QTMAN: variants seen among roughly 807,000 people sequenced by gnomAD.
QTMAN encodes queuosine-tRNA mannosyltransferase.
chr2:143,949,542 G>A, the QTMAN span, among the ~76,000 whole-genome samples: 1 of 151,764 alleles, frequency 6.6e-6, no homozygotes, highest in East Asian at 1.9e-4. Context: ...AATGTAAAAG[G>A]AACAAATTAA....
chr2:144,272,740 T>G, the QTMAN span, among the ~76,000 whole-genome samples: 1 of 152,100 alleles, frequency 6.6e-6, no homozygotes, highest in Non-Finnish European at 1.5e-5. Flanking sequence ...TGTGTGTGCA[T>G]GCATGCGTGT....
chr2:144,157,766 A>G, the QTMAN span, among the ~76,000 whole-genome samples: 164 of 152,032 alleles, frequency 1.1e-3, 1 homozygote, highest in Non-Finnish European at 1.4e-3. Context: ...ATATAAACAT[A>G]TATGTATAAC....
chr2:143,964,415 T>TAA, the QTMAN span, among the ~76,000 whole-genome samples: 1 of 152,180 alleles, frequency 6.6e-6, no homozygotes, highest in Non-Finnish European at 1.5e-5. Context: ...CTTTTGTTGT[T>TAA]TTTTTGAGAC....
the QTMAN span, among the ~76,000 whole-genome samples, chr2:144,028,511 C>T: frequency 1.3e-5 from 2 of 152,144 alleles, no homozygotes; most frequent in Non-Finnish European, 2.9e-5. Flanking sequence ...AATGAGGCTG[C>T]TTCCTACTGG....
chr2:144,104,916 G>A, the QTMAN span, among the ~76,000 whole-genome samples: 1 of 152,200 alleles, frequency 6.6e-6, no homozygotes, highest in African/African-American at 2.4e-5. Context: ...AAGCTTCCAG[G>A]GGAACGATCA....
chr2:144,170,528 G>A, the QTMAN span, among the ~76,000 whole-genome samples: 2 of 152,240 alleles, frequency 1.3e-5, no homozygotes, highest in Admixed American at 6.5e-5. Context: ...TTTTATAGTA[G>A]CTGCAAGCAA....
At chr2:144,316,558 G>A in the QTMAN span, among the ~76,000 whole-genome samples, 1 of 152,062 alleles carries the variant, frequency 6.6e-6, no homozygotes, top group African/African-American at 2.4e-5. Flanking sequence ...CCTGCCCTCC[G>A]TATATGAGTT....
At chr2:144,060,504 A>G in the QTMAN span, among the ~76,000 whole-genome samples, 1 of 152,032 alleles carries the variant, frequency 6.6e-6, no homozygotes, top group Non-Finnish European at 1.5e-5. Context: ...CAGGTGATCC[A>G]CTCACCTCGG....
chr2:144,017,388 T>A, the QTMAN span, among the ~76,000 whole-genome samples: 10 of 152,308 alleles, frequency 6.6e-5, no homozygotes, highest in African/African-American at 2.4e-4. Context: ...TAAAATTTGG[T>A]TGTGAATAAA....
At chr2:144,106,634 TAG>T in the QTMAN span, among the ~76,000 whole-genome samples, 2 of 152,162 alleles carry the variant, frequency 1.3e-5, no homozygotes, top group African/African-American at 4.8e-5. Flanking sequence ...CAAAGAGACT[TAG>T]ACTCCCACAC....
chr2:144,299,610 A>G, the QTMAN span, among the ~76,000 whole-genome samples: 1 of 152,222 alleles, frequency 6.6e-6, no homozygotes, highest in Non-Finnish European at 1.5e-5. Flanking sequence ...TCTCTTTTTT[A>G]ATTTTTTAAA....
chr2:144,038,368 T>C, the QTMAN span, among the ~76,000 whole-genome samples: 15 of 152,296 alleles, frequency 9.8e-5, no homozygotes, highest in East Asian at 2.7e-3. Flanking sequence ...ATGTGTGTTA[T>C]ATATACGTTT....
the QTMAN span, among the ~76,000 whole-genome samples, chr2:144,242,700 G>A: frequency 0.048 from 7,365 of 152,104 alleles, 314 homozygotes; most frequent in Admixed American, 0.14. Context: ...GGTGGCTCAC[G>A]CCTGTAATCC....
chr2:144,069,613 T>C, the QTMAN span, among the ~76,000 whole-genome samples: 1 of 152,042 alleles, frequency 6.6e-6, no homozygotes, highest in Non-Finnish European at 1.5e-5. Flanking sequence ...ATGTGACTGA[T>C]TTCCTTTTTT....
the QTMAN span, among the ~76,000 whole-genome samples, chr2:144,199,063 T>C: frequency 6.6e-6 from 1 of 152,036 alleles, no homozygotes; most frequent in Non-Finnish European, 1.5e-5. Context: ...TTTTTTTTTT[T>C]TGAGATGGAG....
the QTMAN span, among the ~76,000 whole-genome samples, chr2:144,292,076 T>C: frequency 6.6e-6 from 1 of 152,222 alleles, no homozygotes; most frequent in Non-Finnish European, 1.5e-5. Context: ...TTCTCCAAAA[T>C]GAGTACTGTA....
chr2:144,065,972 G>A, the QTMAN span, among the ~76,000 whole-genome samples: 1 of 152,140 alleles, frequency 6.6e-6, no homozygotes, highest in African/African-American at 2.4e-5. Context: ...GTGTTGAGAA[G>A]ACCAGCTTCT....
chr2:143,956,445 C>CTA, the QTMAN span, among the ~76,000 whole-genome samples: 2 of 151,638 alleles, frequency 1.3e-5, no homozygotes, highest in African/African-American at 2.4e-5. Flanking sequence ...ATATTATATG[C>CTA]TATATATATA....
the QTMAN span, among the ~76,000 whole-genome samples, chr2:144,056,070 T>C: frequency 1.7e-4 from 26 of 152,214 alleles, no homozygotes; most frequent in African/African-American, 6.0e-4. Context: ...GTTCTTAGTA[T>C]GACTTCTGAT....
Sources: gnomAD v4.1 joint callset for allele counts (sites outside exome capture counted in the v4.1 genomes callset) on GRCh38, gnomAD v4.1.1 for gene constraint, MANE v1.5 for transcripts, NCBI Gene and HGNC (gene_info 2026-07-23, HGNC 2026-07-21) for gene names.